PCDH15: variants seen among roughly 807,000 people sequenced by gnomAD.
PCDH15 encodes the protein protocadherin-15.
Under a neutral mutation model 178.5 loss-of-function variants are expected in PCDH15, and 129 were observed. The observed-to-expected ratio is 0.72, with a 90% confidence interval of 0.63 to 0.84. The LOEUF is 0.84. PCDH15 is among the 40% of genes least tolerant of loss of function. The probability of loss-of-function intolerance (pLI) is 0.00; values close to 1 mark genes in which losing one functional copy is unlikely to be tolerated. For missense variants in PCDH15, 2,230 were observed against 2,099.9 expected (o/e 1.06, Z -1.21); for synonymous variants, 800 against 732.0 (o/e 1.09, Z -1.50).
At chr10:54,558,713 A>T (rs977931575) in intron 2 of PCDH15, among the ~76,000 whole-genome samples, 2 of 152,138 alleles carry the variant, frequency 1.3e-5, no homozygotes, top group African/African-American at 2.4e-5. Context: ...TACTATTAAT[A>T]CTACTATTTT....
intron 2 of PCDH15, among the ~76,000 whole-genome samples, chr10:54,956,034 G>A (rs1388773439): frequency 6.6e-6 from 1 of 151,184 alleles, no homozygotes; most frequent in African/African-American, 2.4e-5. Flanking sequence ...TTAATGAAAT[G>A]TATGAAAGTT....
intron 1 of PCDH15, among the ~76,000 whole-genome samples, chr10:54,693,081 G>A (rs985904383): frequency 6.6e-5 from 10 of 151,746 alleles, no homozygotes; most frequent in Admixed American, 1.3e-4. Context: ...CCCTCTCTCT[G>A]TCTATGTGTT....
rs1840165389 is a variant in PCDH15, at chr10:55,016,002, A to G, written c.-79-118502T>C. On this transcript the variant is annotated intron_variant, in intron 2 of 5. Transcript: ENST00000458638. ...ATGCTTTCCATCCTTCAGAGAGAAA[A>G]TCCAGAAGAACATTCTACAAGGTTC... Among the ~76,000 whole-genome samples, 4 of 151,828 alleles carry G rather than the reference A, an allele frequency of 2.6e-5. No individual in the cohort carries two copies. The South Asian group carries it at 8.3e-4, about 32-fold the overall frequency.
intron 2 of PCDH15, among the ~76,000 whole-genome samples, chr10:54,969,069 GTCTGTTTCTATTATTT>G (rs565330698): frequency 8.8e-4 from 123 of 139,588 alleles, no homozygotes; most frequent in South Asian, 8.1e-3. Context: ...TAACTCTGAG[GTCTGTTTCTATTATTT>G]TTTTTTTTAC....
chr10:53,826,063 T>G (rs553877771), intron 32 of PCDH15, among the ~76,000 whole-genome samples: 1 of 151,844 alleles, frequency 6.6e-6, no homozygotes, highest in South Asian at 2.1e-4. Flanking sequence ...TTTCTAAAGA[T>G]CTTTGCTTGA....
At chr10:54,067,702 A>G (rs1168643483) in intron 17 of PCDH15, among the ~76,000 whole-genome samples, 1 of 152,170 alleles carries the variant, frequency 6.6e-6, no homozygotes, top group African/African-American at 2.4e-5. Flanking sequence ...TACAGAGAGA[A>G]AGAATATTAA....
At chr10:54,389,572 C>A (rs1195843913) in intron 3 of PCDH15, among the ~76,000 whole-genome samples, 1 of 152,054 alleles carries the variant, frequency 6.6e-6, no homozygotes, top group South Asian at 2.1e-4. Context: ...GTTCGAAATC[C>A]GTATTTGCGG....
chr10:54,152,249 T>C (rs1434422083), intron 14 of PCDH15, among the ~76,000 whole-genome samples: 1 of 152,174 alleles, frequency 6.6e-6, no homozygotes, highest in Non-Finnish European at 1.5e-5. Context: ...AACATACCAA[T>C]ATAAAAAACT....
At chr10:53,953,175 C>A (rs1363873312) in intron 23 of PCDH15, among the ~76,000 whole-genome samples, 2 of 152,192 alleles carry the variant, frequency 1.3e-5, no homozygotes, top group Admixed American at 6.5e-5. Context: ...CCAGACAGGT[C>A]GCTGTTGTCA....
intron 3 of PCDH15, among the ~76,000 whole-genome samples, chr10:54,834,209 A>C (rs1435836301): frequency 2.7e-5 from 4 of 147,256 alleles, no homozygotes; most frequent in Non-Finnish European, 6.0e-5. Flanking sequence ...TTTTTTTTTG[A>C]GATGGAGTCT....
chr10:55,594,207 A>ATG (rs893260778), intron 2 of PCDH15, among the ~76,000 whole-genome samples: 13 of 151,452 alleles, frequency 8.6e-5, no homozygotes, highest in South Asian at 2.1e-4. Flanking sequence ...TTTACAAGAA[A>ATG]TGTGTGTGTG....
intron 2 of PCDH15, among the ~76,000 whole-genome samples, chr10:54,646,901 G>A (rs1243692938): frequency 6.6e-6 from 1 of 151,964 alleles, no homozygotes. Context: ...ATACAATATG[G>A]TGCAGCTGCT....
intron 2 of PCDH15, among the ~76,000 whole-genome samples, chr10:55,110,023 T>A (rs1837457102): frequency 6.6e-6 from 1 of 151,490 alleles, no homozygotes; most frequent in Non-Finnish European, 1.5e-5. Flanking sequence ...ATATATATAT[T>A]ATTTGTTGTA....
intron 29 of PCDH15, among the ~76,000 whole-genome samples, chr10:53,838,265 G>A (rs574720915): frequency 1.4e-4 from 22 of 152,110 alleles, no homozygotes; most frequent in Admixed American, 1.3e-3. Context: ...GTGAGCTACC[G>A]CGCCCGGCCA....
intron 2 of PCDH15, among the ~76,000 whole-genome samples, chr10:55,422,287 G>C (rs975303971): frequency 2.0e-5 from 3 of 151,806 alleles, no homozygotes; most frequent in Admixed American, 6.6e-5. Flanking sequence ...ATAGTCAGCA[G>C]AAAATTTAAC....
chr10:55,450,010 G>C (rs999153464), intron 2 of PCDH15, among the ~76,000 whole-genome samples: 1 of 151,926 alleles, frequency 6.6e-6, no homozygotes, highest in East Asian at 1.9e-4. Flanking sequence ...AAAAAGACAC[G>C]CATTAAAACA....
intron 2 of PCDH15, among the ~76,000 whole-genome samples, chr10:54,618,846 C>T (rs945406685): frequency 6.6e-6 from 1 of 151,664 alleles, no homozygotes; most frequent in Non-Finnish European, 1.5e-5. Context: ...TATGAAGACA[C>T]ACAGAGATAG....
At chr10:54,110,907 T>C (rs10825235) in intron 15 of PCDH15, among the ~76,000 whole-genome samples, 37,276 of 152,156 alleles carry the variant, frequency 0.24, 5,832 homozygotes, top group East Asian at 0.86. Flanking sequence ...ACTCTTCCAA[T>C]GTAAATATTC....
At chr10:55,049,404 G>T (rs925067303) in intron 2 of PCDH15, among the ~76,000 whole-genome samples, 2 of 151,522 alleles carry the variant, frequency 1.3e-5, no homozygotes, top group African/African-American at 4.8e-5. Context: ...GAAACTGACT[G>T]TTGAGCTACA....
Sources: gnomAD v4.1 joint callset for allele counts (sites outside exome capture counted in the v4.1 genomes callset) on GRCh38, gnomAD v4.1.1 for gene constraint, MANE v1.5 for transcripts, NCBI Gene and HGNC (gene_info 2026-07-23, HGNC 2026-07-21) for gene names.